GRID1: variants seen among roughly 807,000 people sequenced by gnomAD.
GRID1 encodes the protein glutamate receptor ionotropic, delta-1.
In GRID1, 28 loss-of-function variants were observed where a neutral mutation model predicts 98.0. The observed-to-expected ratio is 0.29, with a 90% CI of 0.21 to 0.39. The LOEUF is 0.39. Ranked by LOEUF, GRID1 falls within the 10% of genes least tolerant of loss-of-function variation. GRID1 has a pLI of 1.00. For synonymous variants in GRID1, 553 were observed against 538.5 expected (o/e 1.03, Z -0.37); for missense variants, 1,111 against 1,340.5 (o/e 0.83, Z 2.67).
chr10:86,344,096 A>C (rs1236234281), intron 2 of GRID1, among the ~76,000 whole-genome samples: 1 of 152,234 alleles, frequency 6.6e-6, no homozygotes, highest in African/African-American at 2.4e-5. Flanking sequence ...AGCTTGTTAA[A>C]TCAGGCTCTC....
At chr10:86,323,921 G>A (rs1189669971) in intron 2 of GRID1, among the ~76,000 whole-genome samples, 1 of 152,234 alleles carries the variant, frequency 6.6e-6, no homozygotes, top group Non-Finnish European at 1.5e-5. Context: ...GCTCACACCT[G>A]TAATCCCAGC....
At chr10:85,992,859 C>T (rs573033375) in intron 4 of GRID1, among the ~76,000 whole-genome samples, 1 of 152,162 alleles carries the variant, frequency 6.6e-6, no homozygotes, top group South Asian at 2.1e-4. Flanking sequence ...GAGGCTGATG[C>T]AGTAGGACTG....
At chr10:86,085,230 G>A (rs1381676842) in intron 4 of GRID1, among the ~76,000 whole-genome samples, 1 of 152,180 alleles carries the variant, frequency 6.6e-6, no homozygotes, top group Admixed American at 6.5e-5. Flanking sequence ...GAGGCAGCCT[G>A]GAACCTTGGG....
chr10:86,066,999 TATC>T, intron 4 of GRID1, among the ~76,000 whole-genome samples: 1 of 152,340 alleles, frequency 6.6e-6, no homozygotes, highest in Non-Finnish European at 1.5e-5. Flanking sequence ...AGGACTCACC[TATC>T]AATCACCCCT....
Position 85,613,619 on chromosome 10 carries a change from G to C in GRID1, c.2389C>G (p.Leu797Val). The C allele has an allele frequency of 6.2e-7, 1 of 1,614,084 alleles. No homozygotes were observed. Among genetic ancestry groups the C allele is most frequent in the East Asian group, 2.2e-5 (1 of 44,880 alleles). ...RILELQDTGD[L>V]DVLKQKWWPH... is the part of the protein sequence containing the mutation. ...CACCACTTCTGCTTCAGCACATCCA[G>C]GTCCCCTGTGTCCTGCAGCTCCAGG... is the stretch of plus-strand genomic sequence containing the variant. Residue 797 changes from leucine (L) to valine (V), a missense_variant, in exon 15 of 16, where the codon CTG becomes GTG. Physicochemically the swap from Leu to Val is conservative, Grantham distance 32 (BLOSUM62 1). Transcript: ENST00000327946.
chr10:85,767,175 T>C (rs1178801533), intron 8 of GRID1, among the ~76,000 whole-genome samples: 3 of 152,208 alleles, frequency 2.0e-5, no homozygotes, highest in African/African-American at 7.2e-5. Context: ...TTATGAAAGT[T>C]GTAGCTAATA....
chr10:86,337,234 T>C (rs1589453661), intron 2 of GRID1, among the ~76,000 whole-genome samples: 2 of 152,032 alleles, frequency 1.3e-5, no homozygotes, highest in East Asian at 3.9e-4. Flanking sequence ...CATCCCCTGT[T>C]AGGGAGGCCC....
chr10:85,929,285 C>A (rs1439941852), intron 4 of GRID1, among the ~76,000 whole-genome samples: 3 of 151,986 alleles, frequency 2.0e-5, no homozygotes, highest in Non-Finnish European at 4.4e-5. Flanking sequence ...GATAGTGACT[C>A]AAAGGTTTAA....
chr10:85,986,525 G>C (rs1842610692), intron 4 of GRID1, among the ~76,000 whole-genome samples: 1 of 152,234 alleles, frequency 6.6e-6, no homozygotes, highest in Non-Finnish European at 1.5e-5. Context: ...TACAGCAGCA[G>C]GAAGGAGCCT....
intron 4 of GRID1, among the ~76,000 whole-genome samples, chr10:86,043,370 A>G (rs1181346808): frequency 6.6e-6 from 1 of 152,222 alleles, no homozygotes; most frequent in African/African-American, 2.4e-5. Context: ...AGACTGACAT[A>G]AGGCAGACCT....
intron 6 of GRID1, among the ~76,000 whole-genome samples, chr10:85,858,099 TA>T (rs1843130385): frequency 6.6e-6 from 1 of 152,234 alleles, no homozygotes; most frequent in Admixed American, 6.5e-5. Context: ...GCCTCCCCTG[TA>T]GGTATCCTTG....
chr10:86,250,669 G>A (rs1409309452), intron 2 of GRID1, among the ~76,000 whole-genome samples: 3 of 148,436 alleles, frequency 2.0e-5, no homozygotes, highest in Non-Finnish European at 3.0e-5. Context: ...CTGGCCAGCC[G>A]CCCAGTCCGG....
chr10:85,666,762 C>G (rs118060112), intron 12 of GRID1, among the ~76,000 whole-genome samples: 252 of 152,270 alleles, frequency 1.7e-3, no homozygotes, highest in Admixed American at 3.5e-3. Context: ...CTATGGGCAT[C>G]TAACACTTAC....
chr10:85,926,462 C>T (rs992834917), intron 4 of GRID1, among the ~76,000 whole-genome samples: 1 of 152,130 alleles, frequency 6.6e-6, no homozygotes, highest in Non-Finnish European at 1.5e-5. Flanking sequence ...AAGCACAAAG[C>T]CCCCAAGCAG....
At chr10:86,327,642 A>T (rs1848071859) in intron 2 of GRID1, among the ~76,000 whole-genome samples, 1 of 152,270 alleles carries the variant, frequency 6.6e-6, no homozygotes, top group Non-Finnish European at 1.5e-5. Context: ...TGTTAACAAG[A>T]TCTGCTAGAA....
intron 8 of GRID1, among the ~76,000 whole-genome samples, chr10:85,826,973 C>G (rs1210705675): frequency 6.6e-6 from 1 of 152,164 alleles, no homozygotes; most frequent in Non-Finnish European, 1.5e-5. Context: ...AGCAAAAAAT[C>G]TCATTCAAAG....
At chr10:85,959,390 C>T (rs1467360532) in intron 4 of GRID1, among the ~76,000 whole-genome samples, 3 of 152,192 alleles carry the variant, frequency 2.0e-5, no homozygotes, top group Non-Finnish European at 2.9e-5. Flanking sequence ...GAGTGTTGCA[C>T]CAGTGCCTTG....
chr10:85,767,635 G>T (rs1173360421), intron 8 of GRID1, among the ~76,000 whole-genome samples: 1 of 152,154 alleles, frequency 6.6e-6, no homozygotes, highest in Non-Finnish European at 1.5e-5. Context: ...TGGAAAAGGG[G>T]CAAGGAGGAA....
chr10:85,878,215 A>G (rs2131800557), intron 5 of GRID1, among the ~76,000 whole-genome samples: 1 of 152,286 alleles, frequency 6.6e-6, no homozygotes, highest in Non-Finnish European at 1.5e-5. Flanking sequence ...TATCCAGGAG[A>G]ACTTCCCCAA....
Sources: allele counts gnomAD v4.1 joint callset (sites outside exome capture counted in the v4.1 genomes callset), GRCh38; gene constraint gnomAD v4.1.1; transcripts MANE v1.5; gene names NCBI Gene and HGNC (gene_info 2026-07-23, HGNC 2026-07-21).